Variants in DLGAP2 observed in about 807,000 individuals in gnomAD.
The protein encoded by DLGAP2 is disks large-associated protein 2.
In DLGAP2, 26 loss-of-function variants were observed where a neutral mutation model predicts 100.3. The observed-to-expected ratio is 0.26, with a 90% confidence interval of 0.19 to 0.36. The LOEUF (loss-of-function observed/expected upper bound fraction) is 0.36, where lower values mean the gene tolerates loss of function less well. DLGAP2 is among the 10% of genes least tolerant of loss of function. The pLI is 1.00. For missense variants in DLGAP2, 1,858 were observed against 1,453.2 expected, an observed-to-expected ratio of 1.28 and a Z score of -4.53; for synonymous variants, 886 against 630.1, an observed-to-expected ratio of 1.41 and a Z score of -6.08.
intron 3 of DLGAP2, among the ~76,000 whole-genome samples, chr8:1,335,455 G>C (rs780875849): frequency 6.6e-6 from 1 of 152,182 alleles, no homozygotes; most frequent in African/African-American, 2.4e-5. Context: ...AAAACCAAAC[G>C]GGACAGTGTG....
intron 2 of DLGAP2, among the ~76,000 whole-genome samples, chr8:1,116,495 T>C (rs1313463858): frequency 6.6e-6 from 1 of 152,224 alleles, no homozygotes; most frequent in African/African-American, 2.4e-5. Context: ...TCACCTCACA[T>C]TGAGAATGGG....
intron 2 of DLGAP2, among the ~76,000 whole-genome samples, chr8:940,122 G>A (rs1428155099): frequency 2.6e-5 from 4 of 152,086 alleles, no homozygotes; most frequent in Middle Eastern, 3.2e-3. Flanking sequence ...ACAGTGGGGC[G>A]TGGGGCGTGG....
rs749047584 is a variant in DLGAP2 at position 1,548,996 on chromosome 8, G to A, written c.543G>A (p.Ala181=). 2.5e-6 allele frequency: 4 copies of A among 1,599,116 alleles called. No homozygotes were observed. The highest frequency in any genetic ancestry group is 3.4e-6 in the Non-Finnish European group (4 of 1,178,986). ...GCGACGACTGCGCTGTGGCCCACGCGGGCGCCAAGATCAACCGCATCCCGG... is the reference window on the plus strand; with the variant it reads ...GCGACGACTGCGCTGTGGCCCACGCAGGCGCCAAGATCAACCGCATCCCGG... The part of the protein sequence containing the change: ...DTRDDCAVAH[A]GAKINRIPAN... Residue 181 remains alanine, a synonymous_variant, in exon 5 of 15, where the codon GCG becomes GCA. Transcript: ENST00000637795.
At chr8:892,239 C>A (rs1798049656) in intron 1 of DLGAP2, among the ~76,000 whole-genome samples, 1 of 152,206 alleles carries the variant, frequency 6.6e-6, no homozygotes, top group Non-Finnish European at 1.5e-5. Context: ...CTCGGGGCAG[C>A]CCCTGCACAC....
chr8:1,214,254 A>C lies in DLGAP2; in HGVS notation c.74-44597A>C, dbSNP rs191477064. ...TCCTCAGCAAGTCCTCTCCCAACCA[A>C]CCCAGGTGGAACTGGGAGTAGGACA... On this transcript the variant is annotated intron_variant, in intron 2 of 14. Transcript: ENST00000637795. 2.2e-4 allele frequency among the ~76,000 whole-genome samples: 34 copies of C among 151,904 alleles called. No homozygotes were observed. In the East Asian group the frequency reaches 6.2e-3, roughly 28 times the overall value.
chr8:1,065,548 G>C (rs771293046), intron 2 of DLGAP2, among the ~76,000 whole-genome samples: 4 of 152,188 alleles, frequency 2.6e-5, no homozygotes, highest in Non-Finnish European at 5.9e-5. Context: ...CTAAACCAGT[G>C]ACCTCTGTAA....
At chr8:1,131,935 A>G (rs1167666987) in intron 2 of DLGAP2, among the ~76,000 whole-genome samples, 3 of 152,210 alleles carry the variant, frequency 2.0e-5, no homozygotes, top group Non-Finnish European at 2.9e-5. Flanking sequence ...TTGTATCTTC[A>G]TAAGTGTGAC....
chr8:1,224,927 A>G (rs1209291425), intron 2 of DLGAP2, among the ~76,000 whole-genome samples: 2 of 152,274 alleles, frequency 1.3e-5, no homozygotes, highest in Non-Finnish European at 2.9e-5. Context: ...GACAAAATTA[A>G]TCGGAAGCAA....
At chr8:1,337,084 AGAG>A in intron 3 of DLGAP2, among the ~76,000 whole-genome samples, 1 of 152,180 alleles carries the variant, frequency 6.6e-6, no homozygotes, top group East Asian at 1.9e-4. Context: ...GAGAAGATAG[AGAG>A]GAGGAGGAGG....
At chr8:1,634,303 G>C (rs1797718631) in intron 8 of DLGAP2, among the ~76,000 whole-genome samples, 1 of 152,184 alleles carries the variant, frequency 6.6e-6, no homozygotes, top group African/African-American at 2.4e-5. Flanking sequence ...TTCAATGCTG[G>C]CACCACTGAG....
At chr8:1,455,661 C>A (rs1050581382) in intron 3 of DLGAP2, among the ~76,000 whole-genome samples, 1 of 152,184 alleles carries the variant, frequency 6.6e-6, no homozygotes, top group Non-Finnish European at 1.5e-5. Context: ...CTGCCAGGGG[C>A]ACGCCCCCCA....
chr8:1,506,989 G>T (rs957387725), intron 4 of DLGAP2, among the ~76,000 whole-genome samples: 4 of 152,224 alleles, frequency 2.6e-5, no homozygotes, highest in Admixed American at 2.6e-4. Context: ...GTGCTGATTG[G>T]TGCATCTACA....
intron 2 of DLGAP2, among the ~76,000 whole-genome samples, chr8:1,173,277 G>A (rs1171924262): frequency 1.3e-5 from 2 of 152,190 alleles, no homozygotes; most frequent in African/African-American, 4.8e-5. Flanking sequence ...CACGTGAGGT[G>A]TCAGTCTGCC....
At chr8:1,343,769 G>A (rs1801475204) in intron 3 of DLGAP2, among the ~76,000 whole-genome samples, 2 of 152,060 alleles carry the variant, frequency 1.3e-5, no homozygotes, top group South Asian at 4.1e-4. Context: ...TCCAAGAGGC[G>A]GGGGCAGTGC....
At chr8:1,081,496 C>T (rs980797833) in intron 2 of DLGAP2, among the ~76,000 whole-genome samples, 61 of 152,108 alleles carry the variant, frequency 4.0e-4, no homozygotes, top group African/African-American at 1.4e-3. Context: ...GGATTACAGG[C>T]CCCCGTCACC....
chr8:1,701,199 G>T lies in DLGAP2; in HGVS notation c.2961G>T (p.Lys987Asn). The T allele has an allele frequency of 6.4e-7, 1 of 1,563,180 alleles. No homozygotes were observed. The highest frequency in any genetic ancestry group is 8.7e-7 in the Non-Finnish European group (1 of 1,154,754). ...MESPERKEER[K>N]VPPPIPKKPP... ...GCGCTGCTTTTCAGGAAGAAAGAAA[G>T]GTCCCGCCTCCAATACCAAAGAAGC... Residue 987 changes from lysine to asparagine, a missense_variant, in exon 15 of 15, where the codon AAG becomes AAT. Transcript: ENST00000637795.
chr8:1,551,611 G>C (rs1056098760), intron 5 of DLGAP2, among the ~76,000 whole-genome samples: 1 of 152,124 alleles, frequency 6.6e-6, no homozygotes, highest in African/African-American at 2.4e-5. Flanking sequence ...CGTCCACAAA[G>C]GTGAAGTGAG....
intron 3 of DLGAP2, among the ~76,000 whole-genome samples, chr8:1,325,419 T>C (rs1800998709): frequency 6.6e-6 from 1 of 152,232 alleles, no homozygotes; most frequent in Admixed American, 6.5e-5. Flanking sequence ...CCCCCGACCC[T>C]GCAGCCCGGC....
chr8:1,702,108 C>G lies in DLGAP2; in HGVS notation c.*702C>G, dbSNP rs899048749. ...ATACCCAGCGCAGCATCTACACATTCAAAAGATAAGCTGAGTGTTCCCACC... is the reference window on the plus strand; with the variant it reads ...ATACCCAGCGCAGCATCTACACATTGAAAAGATAAGCTGAGTGTTCCCACC... On this transcript the variant is annotated 3_prime_UTR_variant, in exon 15 of 15. Transcript: ENST00000637795. The G allele has an allele frequency of 2.0e-5, 3 of 152,322 alleles. No homozygotes were observed. The East Asian group carries it at 5.8e-4, about 29-fold the overall frequency. 9.4% of individuals were successfully genotyped at this position (152,322 alleles called of 1,614,324 possible). A position where few individuals can be genotyped will look rare whatever the true frequency, so the allele number is the denominator to read the frequency against.
Sources: allele counts gnomAD v4.1 joint callset (sites outside exome capture counted in the v4.1 genomes callset), GRCh38; gene constraint gnomAD v4.1.1; transcripts MANE v1.5; gene names NCBI Gene and HGNC (gene_info 2026-07-23, HGNC 2026-07-21).